COL5A1: variants seen among roughly 807,000 people sequenced by gnomAD.
The protein encoded by COL5A1 is collagen alpha-1(V) chain.
A neutral mutation model predicts 263.7 loss-of-function variants in COL5A1; 16 were observed. The observed-to-expected ratio is 0.06, with a 90% confidence interval of 0.04 to 0.09. COL5A1 has a LOEUF of 0.09. COL5A1 is among the 10% of genes least tolerant of loss of function. The pLI is 1.00. For missense variants in COL5A1, 2,036 were observed against 2,540.5 expected (o/e 0.80, Z 4.27); for synonymous variants, 1,012 against 1,004.5 (o/e 1.01, Z -0.14).
Position 134,758,906 on chromosome 9 carries a change from G to A in COL5A1, c.1935+610G>A, listed in dbSNP as rs1242181460. 6.6e-6 allele frequency among the ~76,000 whole-genome samples: 1 copy of A among 152,140 alleles called. No individual in the cohort carries two copies. Among genetic ancestry groups the A allele is most frequent in the African/African-American group, 2.4e-5 (1 of 41,390 alleles). On this transcript the variant is annotated intron_variant, in intron 18 of 65. Coordinates refer to ENST00000371817, the MANE Select transcript of COL5A1 (RefSeq NM_000093.5). This position sits in a 1 kb window ranked among gnomAD's most constrained non-coding sequence, Gnocchi z 4.1. Reference sequence around the variant, plus strand: ...ACAGATGCGGCAGCTTTGGATAAACGGCAACAGCCAAGCCCCTCGAATCTT... The same window carrying A: ...ACAGATGCGGCAGCTTTGGATAAACAGCAACAGCCAAGCCCCTCGAATCTT...
intron 18 of COL5A1, among the ~76,000 whole-genome samples, chr9:134,760,524 A>C (rs1377275259): frequency 1.1e-3 from 87 of 79,792 alleles, no homozygotes; most frequent in African/African-American, 2.8e-3. Context: ...ACACCCACAC[A>C]CCCCCACACT....
intron 27 of COL5A1, among the ~76,000 whole-genome samples, chr9:134,776,888 T>C (rs1242702557): frequency 1.3e-5 from 2 of 152,158 alleles, no homozygotes; most frequent in African/African-American, 2.4e-5. Context: ...TGTCCACACA[T>C]AGCAGAAGAG....
At chr9:134,710,999 G>A (rs1834024538) in intron 4 of COL5A1, among the ~76,000 whole-genome samples, 1 of 149,226 alleles carries the variant, frequency 6.7e-6, no homozygotes, top group Admixed American at 6.6e-5. Flanking sequence ...TTTGTTGGGT[G>A]CAGTGGTGGA....
At chr9:134,719,434 A>G (rs1029016257) in intron 4 of COL5A1, among the ~76,000 whole-genome samples, 2 of 152,230 alleles carry the variant, frequency 1.3e-5, no homozygotes, top group African/African-American at 4.8e-5. Context: ...ACACGTATGT[A>G]TGCACACACA....
At chr9:134,785,197 G>T in intron 30 of COL5A1, 101 bp downstream of exon 30, 1 of 876,072 alleles carries the variant, frequency 1.1e-6, no homozygotes, top group Non-Finnish European at 1.9e-6. Context: ...CTAGGCATGG[G>T]GTGGGGGTGA....
intron 11 of COL5A1, among the ~76,000 whole-genome samples, chr9:134,744,844 T>C (rs763749561): frequency 7.0e-6 from 1 of 143,498 alleles, no homozygotes; most frequent in Non-Finnish European, 1.5e-5. Flanking sequence ...CACTCATCCA[T>C]ACACATGCAC....
rs1368970835 is a variant in COL5A1 at position 134,842,080 on chromosome 9, A to AT, written c.5371-75dup. 5 of 1,568,104 alleles carry AT rather than the reference A, an allele frequency of 3.2e-6. No homozygotes were observed. The East Asian group carries it at 9.0e-5, about 28-fold the overall frequency. On this transcript the variant is annotated intron_variant, in intron 65 of 65. Coordinates refer to ENST00000371817, the MANE Select transcript of COL5A1 (RefSeq NM_000093.5). The surrounding 1 kb of genome is among the most constrained non-coding windows in gnomAD (Gnocchi z 5.8). Reference sequence around the variant, plus strand: ...CAGCCTGGGTTTTGGAGCCAGACAGATTGTGGGGGGTGATTGGTAAACCCC... The same window carrying AT: ...CAGCCTGGGTTTTGGAGCCAGACAGATTTGTGGGGGGTGATTGGTAAACCCC...
intron 4 of COL5A1, among the ~76,000 whole-genome samples, chr9:134,720,965 G>A (rs1379071651): frequency 6.6e-6 from 1 of 152,174 alleles, no homozygotes; most frequent in Non-Finnish European, 1.5e-5. Context: ...AATCTCATGA[G>A]CAGTTATGGC....
chr9:134,769,276 T>C lies in COL5A1; in HGVS notation c.2286+813T>C, dbSNP rs141853517. 4.3e-3 allele frequency among the ~76,000 whole-genome samples: 652 copies of C among 152,302 alleles called. 4 individuals carry two copies. Among genetic ancestry groups the C allele is most frequent in the Middle Eastern group, 0.017 (5 of 294 alleles). On this transcript the variant is annotated intron_variant, in intron 25 of 65. Coordinates refer to ENST00000371817, the MANE Select transcript of COL5A1 (RefSeq NM_000093.5). ...ACAGCATCCCTCAGGCCGAGTCAGT[T>C]GGCCCAGTGACTCCCACATCACAAA... is the stretch of plus-strand genomic sequence containing the variant.
chr9:134,727,644 G>A (rs1797069535), intron 5 of COL5A1, among the ~76,000 whole-genome samples: 1 of 152,310 alleles, frequency 6.6e-6, no homozygotes, highest in African/African-American at 2.4e-5. Context: ...GCTCCTTGAT[G>A]GTGAATGCCC....
At chr9:134,828,920 C>T (rs578130859) in intron 63 of COL5A1, among the ~76,000 whole-genome samples, 5 of 148,122 alleles carry the variant, frequency 3.4e-5, no homozygotes, top group Admixed American at 2.0e-4. Flanking sequence ...TACACAGATA[C>T]ACACCACTCA....
chr9:134,793,391 G>GC lies in COL5A1; in HGVS notation c.2701-1691_2701-1690insC, dbSNP rs560929676. On this transcript the variant is annotated intron_variant, in intron 32 of 65. Coordinates refer to ENST00000371817, the MANE Select transcript of COL5A1 (RefSeq NM_000093.5). ...AAGGAAGGCTAAGGAGGCTGGGGGG[G>GC]GCATTCTGTTCCACAGCTCCAGTCA... is the stretch of plus-strand genomic sequence containing the variant. Among the ~76,000 whole-genome samples the GC allele has an allele frequency of 1.1e-4, 16 of 151,724 alleles. No homozygotes were observed. In the East Asian group the frequency reaches 2.5e-3, roughly 24 times the overall value.
chr9:134,784,428 G>A (rs1307198041), intron 29 of COL5A1, among the ~76,000 whole-genome samples: 1 of 152,202 alleles, frequency 6.6e-6, no homozygotes, highest in Non-Finnish European at 1.5e-5. Flanking sequence ...TCCCCTTTCT[G>A]AGCCCCGAGC....
At chr9:134,816,973 T>C in intron 52 of COL5A1, 53 bp from the exon 53 acceptor site, 2 of 1,539,120 alleles carry the variant, frequency 1.3e-6, no homozygotes, top group Admixed American at 3.3e-5. Flanking sequence ...TTTGCCTCAA[T>C]TGAGTCTAAC....
intron 8 of COL5A1, 82 bp downstream of exon 8, chr9:134,731,745 C>G: frequency 6.8e-7 from 1 of 1,477,548 alleles, no homozygotes. Context: ...AGAGCCTCCT[C>G]AGGGGTGGGC....
chr9:134,730,553 C>T (rs1834843836), intron 7 of COL5A1, 78 bp downstream of exon 7: 10 of 1,590,372 alleles, frequency 6.3e-6, no homozygotes, highest in Non-Finnish European at 8.6e-6. Flanking sequence ...TGCTGAGCTC[C>T]CTTCTTACTC....
chr9:134,752,687 A>G, intron 14 of COL5A1, 42 bp downstream of exon 14: 2 of 1,472,106 alleles, frequency 1.4e-6, no homozygotes, highest in Non-Finnish European at 1.9e-6. Flanking sequence ...TGGTGTGGGG[A>G]TTGGCCCACT....
chr9:134,698,501 T>G (rs760522087), intron 2 of COL5A1, among the ~76,000 whole-genome samples: 2 of 152,144 alleles, frequency 1.3e-5, no homozygotes, highest in Non-Finnish European at 2.9e-5. Context: ...CCTCAGGAGA[T>G]CTCCCTGCAG....
At chr9:134,726,750 G>GTGGA (rs372291379) in intron 4 of COL5A1, among the ~76,000 whole-genome samples, 42 of 150,830 alleles carry the variant, frequency 2.8e-4, no homozygotes, top group Non-Finnish European at 4.3e-4. Flanking sequence ...GAATGAAAGA[G>GTGGA]TGGATGGATG....
Sources: allele counts gnomAD v4.1 joint callset (sites outside exome capture counted in the v4.1 genomes callset), GRCh38; gene constraint gnomAD v4.1.1; non-coding constraint Gnocchi (gnomAD v3.1); transcripts MANE v1.5; gene names NCBI Gene and HGNC (gene_info 2026-07-23, HGNC 2026-07-21).